The following EDDM3B variants were observed in gnomAD, a reference collection of about 807,000 sequenced individuals.
EDDM3B encodes epididymal protein 3B.
For synonymous variants in EDDM3B, 71 were observed against 59.1 expected (o/e 1.20, Z -0.92); for missense variants, 189 against 178.3 (o/e 1.06, Z -0.34).
intron 1 of EDDM3B, among the ~76,000 whole-genome samples, chr14:20,769,156 G>C (rs1433306713): frequency 1.3e-5 from 2 of 152,156 alleles, no homozygotes; most frequent in Admixed American, 6.5e-5. Context: ...CCAGCACTTT[G>C]GGAAACCGAG....
chr14:20,770,804 C>T lies in EDDM3B; in HGVS notation c.*210C>T. On this transcript the variant is annotated 3_prime_UTR_variant, in exon 2 of 2. Coordinates refer to ENST00000326783, the MANE Select transcript of EDDM3B (RefSeq NM_022360.5). ...TGGAATACACTTTTGTCTTCATTTA[C>T]CTAATTTACTCTTATACTTTTGTCG... The T allele has an allele frequency of 1.9e-6, 1 of 536,752 alleles. No individual in the cohort carries two copies. Among genetic ancestry groups the T allele is most frequent in the South Asian group, 2.7e-5 (1 of 36,530 alleles). The allele number at this position is 536,752 out of a possible 1,614,324, so 33.2% of individuals were successfully genotyped here.
chr14:20,770,323 A>G lies in EDDM3B; in HGVS notation c.173A>G (p.Glu58Gly). Residue 58 changes from glutamate (E) to glycine (G), a missense_variant, in exon 2 of 2, where the codon GAA becomes GGA. Glu to Gly is a moderately conservative substitution (Grantham distance 98, BLOSUM62 -2). Transcript: ENST00000326783. Reference protein sequence around the residue: ...YKCDVLMRENEALKDKSSHMF... With the variant: ...YKCDVLMRENGALKDKSSHMF... ...TGTGATGTCCTCATGAGAGAAAATGAAGCTCTGAAAGACAAGAGCTCTCAC... is the reference window on the plus strand; with the variant it reads ...TGTGATGTCCTCATGAGAGAAAATGGAGCTCTGAAAGACAAGAGCTCTCAC... The G allele has an allele frequency of 6.2e-7, 1 of 1,614,216 alleles. No homozygotes were observed. The highest frequency in any genetic ancestry group is 8.5e-7 in the Non-Finnish European group (1 of 1,180,038).
At chr14:20,769,889 G>A (rs972023580) in intron 1 of EDDM3B, among the ~76,000 whole-genome samples, 5 of 152,140 alleles carry the variant, frequency 3.3e-5, no homozygotes, top group Admixed American at 3.3e-4. Context: ...GAGATGGTTG[G>A]AATTCTCAAA....
Position 20,768,480 on chromosome 14 carries a change from G to A in EDDM3B, c.-45G>A, listed in dbSNP as rs1236977228. ...CACACACTGATCCCAACTACAACCA[G>A]TGACCTGAACTTGGAGTCTGAGTAG... On this transcript the variant is annotated 5_prime_UTR_variant, in exon 1 of 2. It adds an upstream start codon to the 5' untranslated region. Transcript: ENST00000326783. 1.3e-5 allele frequency: 2 copies of A among 152,280 alleles called. No individual in the cohort carries two copies. The highest frequency in any genetic ancestry group is 2.9e-5 in the Non-Finnish European group (2 of 68,108). 9.4% of individuals were successfully genotyped at this position (152,280 alleles called of 1,614,324 possible).
At chr14:20,768,879 G>T (rs2138550951) in intron 1 of EDDM3B, among the ~76,000 whole-genome samples, 1 of 152,322 alleles carries the variant, frequency 6.6e-6, no homozygotes, top group Non-Finnish European at 1.5e-5. Flanking sequence ...CAGGTCTGTA[G>T]GGAGCTATTA....
chr14:20,770,673 C>T lies in EDDM3B; in HGVS notation c.*79C>T, dbSNP rs1566359628. ...GCAGCCCCTGCCTCCATCAATAGTC[C>T]TACCACTCCCCTCTTGCATTTATTT... On this transcript the variant is annotated 3_prime_UTR_variant, in exon 2 of 2. Transcript: ENST00000326783. 1.9e-6 allele frequency: 2 copies of T among 1,079,650 alleles called. No individual in the cohort carries two copies. The highest frequency in any genetic ancestry group is 1.6e-5 in the South Asian group (1 of 63,520). 66.9% of individuals were successfully genotyped at this position (1,079,650 alleles called of 1,614,324 possible).
Position 20,770,912 on chromosome 14 carries a change from C to G in EDDM3B, c.*318C>G. ...TCTCTTGATACATACCCAAGCTGAA[C>G]AATCTTCCCTTCCCTAAATAAATTA... On this transcript the variant is annotated 3_prime_UTR_variant, in exon 2 of 2. Transcript: ENST00000326783. 1 of 286,848 alleles carries G rather than the reference C, an allele frequency of 3.5e-6. No homozygotes were observed. Among genetic ancestry groups the G allele is most frequent in the South Asian group, 5.7e-5 (1 of 17,608 alleles). 17.8% of individuals were successfully genotyped at this position (286,848 alleles called of 1,614,324 possible). A position where few individuals can be genotyped will look rare whatever the true frequency, so the allele number is the denominator to read the frequency against.
chr14:20,770,457 C>T lies in EDDM3B; in HGVS notation c.307C>T (p.Leu103Phe), dbSNP rs1317843435. ...ATGGGTCCAGAATCCTCTCAAAGTA[C>T]TCAAGTGTCACCAGGAGAATTCCAA... ...YVWVQNPLKV[L>F]KCHQENSKNS... The change falls in exon 2 of 2, where the codon CTC becomes TTC. Residue 103 changes from leucine to phenylalanine, a missense_variant. Physicochemically the swap from Leu to Phe is conservative, Grantham distance 22. Transcript: ENST00000326783. The T allele has an allele frequency of 6.2e-7, 1 of 1,614,180 alleles. No individual in the cohort carries two copies. Among genetic ancestry groups the T allele is most frequent in the Non-Finnish European group, 8.5e-7 (1 of 1,180,048 alleles).
In EDDM3B at chr14:20,770,684, C is replaced by T; in HGVS notation, c.*90C>T. ...CTCCATCAATAGTCCTACCACTCCC[C>T]TCTTGCATTTATTTGTCAATGTTTT... On this transcript the variant is annotated 3_prime_UTR_variant, in exon 2 of 2. Coordinates refer to ENST00000326783, the MANE Select transcript of EDDM3B (RefSeq NM_022360.5). The T allele has an allele frequency of 1.0e-6, 1 of 992,120 alleles. No individual in the cohort carries two copies. Among genetic ancestry groups the T allele is most frequent in the Non-Finnish European group, 1.5e-6 (1 of 668,944 alleles). The allele number at this position is 992,120 out of a possible 1,614,324, so 61.5% of individuals were successfully genotyped here.
Position 20,770,317 on chromosome 14 carries a change from A to G in EDDM3B, c.167A>G (p.Glu56Gly). Residue 56 changes from glutamate to glycine, a missense_variant, in exon 2 of 2, where the codon GAA becomes GGA. Physicochemically the swap from Glu to Gly is moderately conservative, Grantham distance 98 (BLOSUM62 -2). Transcript: ENST00000326783. ...REYKCDVLMR[E>G]NEALKDKSSH... ...TACAAATGTGATGTCCTCATGAGAG[A>G]AAATGAAGCTCTGAAAGACAAGAGC... The G allele has an allele frequency of 6.2e-7, 1 of 1,614,192 alleles. No homozygotes were observed. The highest frequency in any genetic ancestry group is 1.1e-5 in the South Asian group (1 of 91,068).
intron 1 of EDDM3B, among the ~76,000 whole-genome samples, chr14:20,768,997 C>T (rs557245668): frequency 3.3e-5 from 5 of 152,146 alleles, no homozygotes; most frequent in Non-Finnish European, 5.9e-5. Context: ...CTAGTTTAAA[C>T]GGTAGACTCT....
Position 20,770,182 on chromosome 14 carries a change from T to C in EDDM3B, c.32T>C (p.Leu11Pro). The C allele has an allele frequency of 6.2e-7, 1 of 1,613,936 alleles. No homozygotes were observed. The highest frequency in any genetic ancestry group is 2.2e-5 in the East Asian group (1 of 44,882). MASSLKIWGTLLALLCILCTL... is the reference protein window; with the variant it reads MASSLKIWGTPLALLCILCTL... ...TCGTCTCTAAAGATCTGGGGCACAC[T>C]CTTGGCCCTACTTTGCATCCTATGC... The change falls in exon 2 of 2, where the codon CTC becomes CCC. Residue 11 changes from leucine (L) to proline (P), a missense_variant. Coordinates refer to ENST00000326783, the MANE Select transcript of EDDM3B (RefSeq NM_022360.5).
chr14:20,770,192 AC>A lies in EDDM3B; in HGVS notation c.43del (p.Leu15PhefsTer20), dbSNP rs1226266459. The A allele has an allele frequency of 1.8e-5, 29 of 1,613,948 alleles. No homozygotes were observed. Among genetic ancestry groups the A allele is most frequent in the Non-Finnish European group, 2.5e-5 (29 of 1,179,980 alleles). ...LKIWGTLLAL[L>X]CILCTLLVQS... is the part of the protein sequence containing the mutation. ...AGATCTGGGGCACACTCTTGGCCCT[AC>A]TTTGCATCCTATGCACACTGCTTGT... On this transcript the variant is annotated frameshift_variant, in exon 2 of 2. Coordinates refer to ENST00000326783, the MANE Select transcript of EDDM3B (RefSeq NM_022360.5). LOFTEE classifies it low-confidence loss of function (END_TRUNC).
rs1243159869 is a variant in EDDM3B, at chr14:20,770,486, T to C, written c.336T>C (p.Asn112=). Residue 112 remains asparagine, a synonymous_variant, in exon 2 of 2, where the codon AAT becomes AAC. Transcript: ENST00000326783. The stretch of plus-strand genomic sequence containing the variant: ...AGTGTCACCAGGAGAATTCCAAAAA[T>C]AGCTACACAGAGAGCAGGAGCTTCA... ...VLKCHQENSK[N]SYTESRSFNY... The C allele has an allele frequency of 1.2e-6, 2 of 1,614,146 alleles. No individual in the cohort carries two copies.
At chr14:20,768,537 G>T (rs1454949138) in intron 1 of EDDM3B, 31 bp downstream of exon 1, 1 of 152,230 alleles carries the variant, frequency 6.6e-6, no homozygotes, top group African/African-American at 2.4e-5. Context: ...GATGTTTGGG[G>T]GACAGCCAGG....
intron 1 of EDDM3B, among the ~76,000 whole-genome samples, chr14:20,768,791 C>T (rs1036984350): frequency 1.3e-5 from 2 of 152,164 alleles, no homozygotes; most frequent in Non-Finnish European, 2.9e-5. Flanking sequence ...GAAGTACCGA[C>T]CCTTTGTTCT....
intron 1 of EDDM3B, 136 bp from the exon 2 acceptor site, chr14:20,769,997 A>G (rs1312674930): frequency 1.5e-6 from 1 of 653,202 alleles, no homozygotes; most frequent in African/African-American, 1.8e-5. Flanking sequence ...GAGAATTAGC[A>G]TCTTCTCATC....
In EDDM3B at chr14:20,770,326, C is replaced by CGCTT. The variant is rs1362928848; in HGVS notation, c.176_177insGCTT (p.Lys61SerfsTer23). The CGCTT allele has an allele frequency of 6.2e-7, 1 of 1,614,042 alleles. No homozygotes were observed. The highest frequency in any genetic ancestry group is 1.3e-5 in the African/African-American group (1 of 74,930). On this transcript the variant is annotated frameshift_variant, in exon 2 of 2. Transcript: ENST00000326783. LOFTEE classifies it low-confidence loss of function (END_TRUNC). ...GATGTCCTCATGAGAGAAAATGAAG[C>CGCTT]TCTGAAAGACAAGAGCTCTCACATG...
intron 1 of EDDM3B, 51 bp from the exon 2 acceptor site, chr14:20,770,082 C>T (rs956599048): frequency 2.7e-5 from 39 of 1,445,694 alleles, no homozygotes; most frequent in Non-Finnish European, 3.5e-5. Context: ...GTTCAGCTCT[C>T]TGGGCATTGT....
Sources: gnomAD v4.1 joint callset for allele counts (sites outside exome capture counted in the v4.1 genomes callset) on GRCh38, gnomAD v4.1.1 for gene constraint, MANE v1.5 for transcripts, NCBI Gene and HGNC (gene_info 2026-07-23, HGNC 2026-07-21) for gene names.